CCSER1: variants seen among roughly 807,000 people sequenced by gnomAD.
The protein encoded by CCSER1 is serine-rich coiled-coil domain-containing protein 1.
In CCSER1, 41 loss-of-function variants were observed where a neutral mutation model predicts 82.0. The ratio of observed to expected loss-of-function variants is 0.50; its 90% CI spans 0.39 to 0.65. The LOEUF is 0.65. Ranked by LOEUF, CCSER1 falls within the 30% of genes least tolerant of loss-of-function variation. The pLI is 0.00. For missense variants in CCSER1, 1,119 were observed against 1,064.2 expected, an observed-to-expected ratio of 1.05 and a Z score of -0.72; for synonymous variants, 414 against 383.9, an observed-to-expected ratio of 1.08 and a Z score of -0.92.
At chr4:91,250,676 T>C (rs1018961166) in intron 10 of CCSER1, among the ~76,000 whole-genome samples, 1 of 151,594 alleles carries the variant, frequency 6.6e-6, no homozygotes, top group African/African-American at 2.4e-5. Flanking sequence ...GATGCCTTTT[T>C]TTTGGTAGTT....
In CCSER1 at chr4:91,274,642, C is replaced by A. The variant is rs148554702; in HGVS notation, c.2217+188648C>A. ...AATGACCTCTAGTTCATCCATCTTG[C>A]TGCAAATGACATGAGTTATTCTTTT... On this transcript the variant is annotated intron_variant, in intron 10 of 10. Coordinates refer to ENST00000509176, the MANE Select transcript of CCSER1 (RefSeq NM_001145065.2). 2.6e-5 allele frequency among the ~76,000 whole-genome samples: 4 copies of A among 152,246 alleles called. No individual in the cohort carries two copies. The East Asian group carries it at 7.7e-4, about 29-fold the overall frequency.
intron 8 of CCSER1, among the ~76,000 whole-genome samples, chr4:90,869,532 G>A (rs1012600679): frequency 7.9e-5 from 12 of 151,670 alleles, no homozygotes; most frequent in Non-Finnish European, 1.3e-4. Flanking sequence ...TTTATTTATG[G>A]ATTTTCTATT....
chr4:90,705,044 G>T (rs1173523936), intron 6 of CCSER1, among the ~76,000 whole-genome samples: 2 of 152,166 alleles, frequency 1.3e-5, no homozygotes, highest in African/African-American at 2.4e-5. Context: ...AGGGAGAGAG[G>T]TGCTTTGATT....
At chr4:90,277,115 C>T (rs1451996990) in intron 1 of CCSER1, among the ~76,000 whole-genome samples, 1 of 151,830 alleles carries the variant, frequency 6.6e-6, no homozygotes, top group African/African-American at 2.4e-5. Context: ...CTGTGACTTC[C>T]AGAACTATGT....
chr4:90,568,395 C>A (rs1205568891), intron 5 of CCSER1, among the ~76,000 whole-genome samples: 2 of 152,104 alleles, frequency 1.3e-5, no homozygotes, highest in Non-Finnish European at 2.9e-5. Flanking sequence ...TGAATTGACC[C>A]CTTTATCATG....
At chr4:91,375,519 C>CTT (rs35891064) in intron 10 of CCSER1, among the ~76,000 whole-genome samples, 231 of 137,048 alleles carry the variant, frequency 1.7e-3, no homozygotes, top group African/African-American at 3.8e-3. Flanking sequence ...TCACTGTTGT[C>CTT]TTTTTTTTTT....
At chr4:91,482,057 A>G (rs1757945863) in intron 10 of CCSER1, among the ~76,000 whole-genome samples, 1 of 150,416 alleles carries the variant, frequency 6.6e-6, no homozygotes, top group African/African-American at 2.4e-5. Context: ...GATGCAAATC[A>G]AAACCATGAT....
At chr4:90,991,990 T>A (rs938458103) in intron 9 of CCSER1, among the ~76,000 whole-genome samples, 5 of 152,074 alleles carry the variant, frequency 3.3e-5, no homozygotes, top group African/African-American at 1.2e-4. Flanking sequence ...TTGTTACTTT[T>A]ATTGCACTCC....
chr4:90,749,212 G>A (rs1419619727), intron 7 of CCSER1, among the ~76,000 whole-genome samples: 3 of 151,234 alleles, frequency 2.0e-5, no homozygotes, highest in East Asian at 2.0e-4. Flanking sequence ...ATTGATTTTT[G>A]TATAAGGTGT....
chr4:90,943,266 G>A (rs928088836), intron 9 of CCSER1, among the ~76,000 whole-genome samples: 1 of 151,968 alleles, frequency 6.6e-6, no homozygotes, highest in African/African-American at 2.4e-5. Context: ...TGTTTACCTC[G>A]TGGTTCATAT....
intron 10 of CCSER1, among the ~76,000 whole-genome samples, chr4:91,311,488 G>A (rs1745474833): frequency 6.6e-6 from 1 of 151,770 alleles, no homozygotes; most frequent in South Asian, 2.1e-4. Flanking sequence ...CAGCAGTAAC[G>A]ACAACAAGTT....
chr4:90,427,848 G>T (rs1344511916), intron 4 of CCSER1, among the ~76,000 whole-genome samples: 1 of 151,726 alleles, frequency 6.6e-6, no homozygotes, highest in East Asian at 1.9e-4. Flanking sequence ...TACTCTTAAT[G>T]ATTAGAATGC....
chr4:90,595,459 A>T (rs1384342753), intron 5 of CCSER1, among the ~76,000 whole-genome samples: 1 of 151,984 alleles, frequency 6.6e-6, no homozygotes, highest in Non-Finnish European at 1.5e-5. Context: ...TTCTGGATTA[A>T]CCTTCATAAT....
intron 10 of CCSER1, among the ~76,000 whole-genome samples, chr4:91,255,034 A>C (rs1241006324): frequency 1.3e-5 from 2 of 152,080 alleles, no homozygotes; most frequent in Non-Finnish European, 2.9e-5. Context: ...CAGCCTATTC[A>C]TATCTGCCTT....
At chr4:90,148,968 A>G (rs1726321433) in intron 1 of CCSER1, among the ~76,000 whole-genome samples, 1 of 152,142 alleles carries the variant, frequency 6.6e-6, no homozygotes, top group Admixed American at 6.6e-5. Flanking sequence ...GAATAATGAC[A>G]TGCATTTTAG....
chr4:90,708,848 C>A (rs1560989993), intron 6 of CCSER1, among the ~76,000 whole-genome samples: 1 of 152,126 alleles, frequency 6.6e-6, no homozygotes, highest in Non-Finnish European at 1.5e-5. Context: ...TGATCAATTT[C>A]TCTTTGCCAG....
chr4:90,504,631 C>A (rs1770418252), intron 5 of CCSER1, among the ~76,000 whole-genome samples: 1 of 152,120 alleles, frequency 6.6e-6, no homozygotes, highest in African/African-American at 2.4e-5. Flanking sequence ...CTAAGTCTAG[C>A]AAGAGCTCAG....
intron 8 of CCSER1, among the ~76,000 whole-genome samples, chr4:90,840,108 C>A (rs1175018684): frequency 6.6e-6 from 1 of 151,850 alleles, no homozygotes; most frequent in Non-Finnish European, 1.5e-5. Flanking sequence ...TAGTAACTTG[C>A]AATTTATTGT....
At chr4:91,578,029 C>T (rs1035008392) in intron 10 of CCSER1, among the ~76,000 whole-genome samples, 3 of 151,970 alleles carry the variant, frequency 2.0e-5, no homozygotes, top group African/African-American at 7.2e-5. Context: ...GATTGAGGCT[C>T]CCCAATTTTG....
Sources: gnomAD v4.1 joint callset for allele counts (sites outside exome capture counted in the v4.1 genomes callset) on GRCh38, gnomAD v4.1.1 for gene constraint, MANE v1.5 for transcripts, NCBI Gene and HGNC (gene_info 2026-07-23, HGNC 2026-07-21) for gene names.